FDFT1: variants seen among roughly 807,000 people sequenced by gnomAD.
The protein encoded by FDFT1 is farnesyl-diphosphate farnesyltransferase 1.
Under a neutral mutation model 46.8 loss-of-function variants are expected in FDFT1, and 68 were observed. The observed-to-expected ratio is 1.45, with a 90% CI of 1.19 to 1.78. The LOEUF is 1.78. Among genes scored for constraint, FDFT1 ranks in the 40% most tolerant of loss-of-function variants. FDFT1 has a pLI of 0.00. For missense variants in FDFT1, 928 were observed against 524.4 expected, an observed-to-expected ratio of 1.77 and a Z score of -7.52; for synonymous variants, 351 against 185.1, an observed-to-expected ratio of 1.90 and a Z score of -7.28.
intron 7 of FDFT1, among the ~76,000 whole-genome samples, chr8:11,836,122 T>C (rs192811276): frequency 2.0e-5 from 3 of 150,146 alleles, no homozygotes; most frequent in East Asian, 2.0e-4. Context: ...CACTGCACTC[T>C]AGCCTGGGTG....
At chr8:11,829,189 T>A (rs565995836) in intron 5 of FDFT1, among the ~76,000 whole-genome samples, 1 of 152,228 alleles carries the variant, frequency 6.6e-6, no homozygotes, top group Non-Finnish European at 1.5e-5. Context: ...ATACTTAACA[T>A]TTTATTTATA....
chr8:11,812,899 T>G (rs1288231932), intron 3 of FDFT1, among the ~76,000 whole-genome samples: 1 of 152,234 alleles, frequency 6.6e-6, no homozygotes, highest in Non-Finnish European at 1.5e-5. Context: ...ATGCATCACT[T>G]AATGAATGGC....
chr8:11,810,546 G>A lies in FDFT1; in HGVS notation c.381+696G>A, dbSNP rs556808091. Among the ~76,000 whole-genome samples, 6 of 152,320 alleles carry A rather than the reference G, an allele frequency of 3.9e-5. No homozygotes were observed. In the East Asian group the frequency reaches 1.2e-3, roughly 29 times the overall value. ...TATAAAGTACTTAGTGCCTGGTACA[G>A]GGTAAGTATTCTGTAAGTATTAGCT... On this transcript the variant is annotated intron_variant, in intron 3 of 7. Transcript: ENST00000220584.
At position 11,818,164 on chromosome 8, in the gene FDFT1, T is replaced by A. The variant is rs543800460; in HGVS notation, c.382-3586T>A. Among the ~76,000 whole-genome samples the A allele has an allele frequency of 7.4e-4, 112 of 152,288 alleles. 4 individuals carry two copies. The South Asian group carries it at 0.022, about 30-fold the overall frequency. On this transcript the variant is annotated intron_variant, in intron 3 of 7. Transcript: ENST00000220584. ...AGGTTGTTCAGTTTCCATGTAGATG[T>A]GTGGTTTTGAGTGAGTTTATTAATC...
chr8:11,802,617 C>T (rs971189117), upstream of FDFT1: 14 of 592,282 alleles, frequency 2.4e-5, no homozygotes, highest in South Asian at 3.7e-5. Context: ...GGCCAATCAG[C>T]GCCCGTCAGC....
chr8:11,802,393 C>A (rs2686196), upstream of FDFT1: 5,437 of 456,534 alleles, frequency 0.012, 69 homozygotes, highest in South Asian at 0.021. Context: ...CGTTGGGCTC[C>A]TGCGCATCCT....
At chr8:11,806,065 A>C (rs1363012432) in intron 1 of FDFT1, among the ~76,000 whole-genome samples, 1 of 152,134 alleles carries the variant, frequency 6.6e-6, no homozygotes, top group African/African-American at 2.4e-5. Flanking sequence ...TTTTAAAGTG[A>C]GGAAGGCTCC....
At chr8:11,810,644 T>C (rs1534863) in intron 3 of FDFT1, among the ~76,000 whole-genome samples, 28,952 of 152,150 alleles carry the variant, frequency 0.19, 3,138 homozygotes, top group East Asian at 0.44. Context: ...CTCAAGTTCA[T>C]GTGGACATCT....
At position 11,838,459 on chromosome 8, in the gene FDFT1, G is replaced by C; in HGVS notation, c.1104G>C (p.Thr368=). 4 of 1,607,354 alleles carry C rather than the reference G, an allele frequency of 2.5e-6. No homozygotes were observed. Among genetic ancestry groups the C allele is most frequent in the Non-Finnish European group, 2.6e-6 (3 of 1,176,270 alleles). Residue 368 remains threonine, a synonymous_variant, in exon 8 of 8, where the codon ACG becomes ACC. Transcript: ENST00000220584. ...GGCAGATCATCTCCACCATCCGGAC[G>C]CAGAATCTTCCCAACTGTCAGCTGA... ...KTRQIISTIR[T]QNLPNCQLIS... is the part of the protein sequence containing the mutation.
chr8:11,819,169 A>G (rs1808872855), intron 3 of FDFT1, among the ~76,000 whole-genome samples: 1 of 152,186 alleles, frequency 6.6e-6, no homozygotes, highest in African/African-American at 2.4e-5. Flanking sequence ...AATGCTGAAT[A>G]TTGGCCCCCA....
At chr8:11,832,330 G>A (rs1349879926) in intron 7 of FDFT1, among the ~76,000 whole-genome samples, 1 of 151,956 alleles carries the variant, frequency 6.6e-6, no homozygotes. Flanking sequence ...CAAGGTGGGA[G>A]GATCACTTGA....
chr8:11,797,967 A>C (rs752076728), upstream of FDFT1: 1 of 152,270 alleles, frequency 6.6e-6, no homozygotes, highest in Admixed American at 6.5e-5. Context: ...AATGGCAAGG[A>C]CGTTTTTATT....
At chr8:11,838,328 A>C (rs976474009) in intron 7 of FDFT1, 60 bp from the exon 8 acceptor site, 10 of 1,323,890 alleles carry the variant, frequency 7.6e-6, no homozygotes, top group Non-Finnish European at 7.6e-6. Flanking sequence ...GGTTGTTGTA[A>C]GTAGCCATGG....
chr8:11,800,653 A>C (rs1336910447), upstream of FDFT1, among the ~76,000 whole-genome samples: 3 of 152,358 alleles, frequency 2.0e-5, no homozygotes, highest in East Asian at 5.8e-4. Flanking sequence ...GCCAGGGCAA[A>C]TATTTAGGCT....
At chr8:11,801,376 A>G (rs1007460774), upstream of FDFT1, among the ~76,000 whole-genome samples, 4 of 152,038 alleles carry the variant, frequency 2.6e-5, no homozygotes, top group African/African-American at 4.8e-5. Flanking sequence ...CTGGAGTGCA[A>G]TAGCGCGATC....
chr8:11,806,280 A>G (rs1428522863), intron 1 of FDFT1, among the ~76,000 whole-genome samples: 1 of 152,214 alleles, frequency 6.6e-6, no homozygotes, highest in Non-Finnish European at 1.5e-5. Flanking sequence ...CAAGAGGGAC[A>G]GGCACCAGTA....
At chr8:11,804,667 C>T (rs1025365633) in intron 1 of FDFT1, among the ~76,000 whole-genome samples, 4 of 122,474 alleles carry the variant, frequency 3.3e-5, no homozygotes, top group African/African-American at 6.3e-5. Context: ...GCAGTGGTGG[C>T]GGGACCTCAG....
intron 3 of FDFT1, 162 bp downstream of exon 3, chr8:11,810,012 C>A: frequency 1.8e-6 from 1 of 558,308 alleles, no homozygotes; most frequent in Non-Finnish European, 3.1e-6. Context: ...TGAAGCCAGG[C>A]TGCCTGGGTT....
chr8:11,839,233 A>C lies in FDFT1; in HGVS notation c.*624A>C, dbSNP rs1478036712. On this transcript the variant is annotated 3_prime_UTR_variant, in exon 8 of 8. Coordinates refer to ENST00000220584, the MANE Select transcript of FDFT1 (RefSeq NM_004462.5). Reference sequence around the variant, plus strand: ...GCAGGATTGCTTTTGACCTTTTAGAAGATTGGTCTCCAGTAAAGGTGGACA... The same window carrying C: ...GCAGGATTGCTTTTGACCTTTTAGACGATTGGTCTCCAGTAAAGGTGGACA... 1.3e-5 allele frequency: 2 copies of C among 152,770 alleles called. No individual in the cohort carries two copies. The highest frequency in any genetic ancestry group is 4.8e-5 in the African/African-American group (2 of 41,448). 9.5% of individuals were successfully genotyped at this position (152,770 alleles called of 1,614,324 possible).
Sources: allele counts gnomAD v4.1 joint callset (sites outside exome capture counted in the v4.1 genomes callset), GRCh38; gene constraint gnomAD v4.1.1; transcripts MANE v1.5; gene names NCBI Gene and HGNC (gene_info 2026-07-23, HGNC 2026-07-21).